MME: variants seen among roughly 807,000 people sequenced by gnomAD.
MME encodes membrane metalloendopeptidase, also known as neprilysin.
MME carries 98 observed loss-of-function variants against 113.2 expected under a neutral mutation model. The observed-to-expected ratio is 0.87, with a 90% confidence interval of 0.74 to 1.02. The LOEUF is 1.02. Ranked by LOEUF, MME falls within the 50% of genes least tolerant of loss-of-function variation. The pLI is 0.00. For synonymous variants in MME, 292 were observed against 300.6 expected (o/e 0.97, Z 0.30); for missense variants, 836 against 896.0 (o/e 0.93, Z 0.86).
chr3:155,031,310 T>C (rs921598711), intron 1 of MME, among the ~76,000 whole-genome samples: 1 of 152,162 alleles, frequency 6.6e-6, no homozygotes, highest in Admixed American at 6.5e-5. Context: ...TTTCATTCTG[T>C]AGCAACTCTG....
intron 17 of MME, among the ~76,000 whole-genome samples, chr3:155,161,523 A>C (rs1722722832): frequency 6.6e-6 from 1 of 152,170 alleles, no homozygotes; most frequent in African/African-American, 2.4e-5. Flanking sequence ...CTAACCTTAA[A>C]ATAAATTGTA....
chr3:155,125,650 G>A (rs967948196), intron 8 of MME, among the ~76,000 whole-genome samples: 12 of 151,444 alleles, frequency 7.9e-5, no homozygotes, highest in Admixed American at 6.6e-5. Context: ...TAGTAGAGAC[G>A]GGGTTTCACC....
rs908357284 is a variant in MME, at chr3:155,171,472, A to G, written c.1981-645A>G. Among the ~76,000 whole-genome samples, 7 of 152,298 alleles carry G rather than the reference A, an allele frequency of 4.6e-5. No homozygotes were observed. The East Asian group carries it at 7.7e-4, about 17-fold the overall frequency. ...TTTAAAAGTTTATTTAGTAGAGGAAAACTCATTTTTTTCAGTAGCATAAAT... is the reference window on the plus strand; with the variant it reads ...TTTAAAAGTTTATTTAGTAGAGGAAGACTCATTTTTTTCAGTAGCATAAAT... On this transcript the variant is annotated intron_variant, in intron 20 of 22. Coordinates refer to ENST00000360490, the MANE Select transcript of MME (RefSeq NM_007289.4).
At chr3:155,048,261 T>C (rs960053155) in intron 1 of MME, among the ~76,000 whole-genome samples, 2 of 152,194 alleles carry the variant, frequency 1.3e-5, no homozygotes, top group African/African-American at 4.8e-5. Flanking sequence ...CCCCTTTTCC[T>C]GGTTTCTATG....
intron 3 of MME, among the ~76,000 whole-genome samples, chr3:155,086,596 C>T (rs565494519): frequency 3.9e-5 from 6 of 152,212 alleles, no homozygotes; most frequent in South Asian, 4.1e-4. Context: ...TAAATCCCAT[C>T]AATTGGAGTG....
At chr3:155,040,053 A>G (rs1329306089) in intron 1 of MME, among the ~76,000 whole-genome samples, 2 of 152,210 alleles carry the variant, frequency 1.3e-5, no homozygotes, top group Admixed American at 6.5e-5. Flanking sequence ...AAATCATACT[A>G]AAAACAAAGG....
chr3:155,140,598 G>C (rs1418753502), intron 10 of MME, among the ~76,000 whole-genome samples: 1 of 151,742 alleles, frequency 6.6e-6, no homozygotes, highest in Non-Finnish European at 1.5e-5. Flanking sequence ...TGTATTTTTA[G>C]TAGAGATGAG....
In MME at chr3:155,177,579, G is replaced by A. The variant is rs530688634; in HGVS notation, c.2154-2781G>A. On this transcript the variant is annotated intron_variant, in intron 22 of 22. Transcript: ENST00000360490. ...TTTGTTTCTCACAGTTCTGGAGACC[G>A]GAAGTCTAAGATCAGGGTGCCAGCA... 5.9e-5 allele frequency among the ~76,000 whole-genome samples: 9 copies of A among 152,176 alleles called. No individual in the cohort carries two copies. In the South Asian group the frequency reaches 1.7e-3, roughly 28 times the overall value.
intron 1 of MME, among the ~76,000 whole-genome samples, chr3:155,040,371 C>A (rs954629725): frequency 1.3e-5 from 2 of 152,078 alleles, no homozygotes; most frequent in Non-Finnish European, 2.9e-5. Context: ...AACAATACCA[C>A]CCCAGGTGAG....
chr3:155,168,370 T>C, intron 18 of MME, 122 bp from the exon 19 acceptor site: 1 of 891,436 alleles, frequency 1.1e-6, no homozygotes, highest in Non-Finnish European at 1.8e-6. Context: ...GTCTCTCTCA[T>C]CGTCTGCCTA....
At chr3:155,029,637 C>A (rs113402804) in intron 1 of MME, among the ~76,000 whole-genome samples, 3,238 of 151,914 alleles carry the variant, frequency 0.021, 45 homozygotes, top group Non-Finnish European at 0.034. Flanking sequence ...AACAGTGTAA[C>A]CCTGTCTGAG....
At chr3:155,042,438 T>C (rs1441712280) in intron 1 of MME, among the ~76,000 whole-genome samples, 1 of 152,160 alleles carries the variant, frequency 6.6e-6, no homozygotes, top group Non-Finnish European at 1.5e-5. Context: ...GAAGAGTTTC[T>C]TATAGATCCA....
At chr3:155,157,801 C>T (rs1722424862) in intron 16 of MME, among the ~76,000 whole-genome samples, 1 of 152,114 alleles carries the variant, frequency 6.6e-6, no homozygotes, top group Non-Finnish European at 1.5e-5. Context: ...CACACTAGTG[C>T]TGTGTAAACC....
At chr3:155,078,591 AAC>A (rs1714852702), upstream of MME, among the ~76,000 whole-genome samples, 1 of 152,036 alleles carries the variant, frequency 6.6e-6, no homozygotes, top group African/African-American at 2.4e-5. Flanking sequence ...TGATATTAAA[AAC>A]AGATAATTGC....
intron 3 of MME, among the ~76,000 whole-genome samples, chr3:155,108,082 A>G (rs924272395): frequency 1.9e-4 from 29 of 152,334 alleles, no homozygotes; most frequent in South Asian, 8.3e-4. Flanking sequence ...AAACAAGGCT[A>G]TGTATTAATC....
upstream of MME, chr3:155,079,630 T>TGGGGGGGGGAGGGGGGGGG (rs1455585736): frequency 3.6e-5 from 1 of 27,486 alleles, no homozygotes; most frequent in Non-Finnish European, 9.8e-5. Context: ...GGGTAGGGGG[T>TGGGGGGGGGAGGGGGGGGG]GGGGGGGGTG....
intron 3 of MME, among the ~76,000 whole-genome samples, chr3:155,086,704 C>T (rs146625572): frequency 2.0e-5 from 3 of 152,272 alleles, no homozygotes; most frequent in East Asian, 1.9e-4. Context: ...TGTCCTTTAA[C>T]AAGAGATTCT....
intron 1 of MME, among the ~76,000 whole-genome samples, chr3:155,040,414 G>A (rs1245145957): frequency 6.6e-6 from 1 of 151,920 alleles, no homozygotes; most frequent in East Asian, 1.9e-4. Flanking sequence ...TGCCTATGAT[G>A]TCTATATTTG....
chr3:155,055,260 T>C (rs1247197937), intron 1 of MME, among the ~76,000 whole-genome samples: 1 of 152,204 alleles, frequency 6.6e-6, no homozygotes, highest in Admixed American at 6.5e-5. Context: ...AACAATATGC[T>C]AAATCTCACA....
Sources: allele counts gnomAD v4.1 joint callset (sites outside exome capture counted in the v4.1 genomes callset), GRCh38; gene constraint gnomAD v4.1.1; transcripts MANE v1.5; gene names NCBI Gene and HGNC (gene_info 2026-07-23, HGNC 2026-07-21).